SVOP: variants seen among roughly 807,000 people sequenced by gnomAD.
SVOP encodes SV2 related protein.
SVOP carries 17 observed loss-of-function variants against 69.1 expected under a neutral mutation model. That is an observed-to-expected ratio of 0.25 (90% CI 0.17 to 0.37). The LOEUF is 0.37. SVOP is among the 10% of genes least tolerant of loss of function. SVOP has a pLI of 1.00. For missense variants in SVOP, 435 were observed against 597.5 expected, an observed-to-expected ratio of 0.73 and a Z score of 2.84; for synonymous variants, 238 against 238.6, an observed-to-expected ratio of 1.00 and a Z score of 0.02.
intron 4 of SVOP, among the ~76,000 whole-genome samples, chr12:108,973,589 G>A (rs36179251): frequency 0.57 from 86,086 of 151,850 alleles, 26,270 homozygotes; most frequent in South Asian, 0.7. Flanking sequence ...AGTAGAGACA[G>A]GATCTCACTT....
chr12:108,968,526 G>T (rs2040059619), intron 5 of SVOP, among the ~76,000 whole-genome samples: 1 of 152,164 alleles, frequency 6.6e-6, no homozygotes, highest in Non-Finnish European at 1.5e-5. Flanking sequence ...AGCCTCCTCT[G>T]ATATAAATAA....
chr12:108,973,393 T>C (rs1373159415), intron 4 of SVOP, among the ~76,000 whole-genome samples: 1 of 151,920 alleles, frequency 6.6e-6, no homozygotes, highest in Admixed American at 6.6e-5. Flanking sequence ...ATTTATTTAT[T>C]TGTTTGTTTG....
intron 1 of SVOP, among the ~76,000 whole-genome samples, chr12:109,010,867 G>A (rs1295557768): frequency 5.9e-5 from 9 of 151,962 alleles, no homozygotes; most frequent in East Asian, 5.8e-4. Context: ...GGCATAAAAT[G>A]TAAACATTTT....
intron 14 of SVOP, among the ~76,000 whole-genome samples, chr12:108,916,453 G>A (rs975606024): frequency 1.3e-5 from 2 of 152,180 alleles, no homozygotes; most frequent in African/African-American, 4.8e-5. Flanking sequence ...CACTGTGGAT[G>A]TTTTGGGATG....
chr12:108,954,307 A>C (rs1260198515), intron 6 of SVOP, among the ~76,000 whole-genome samples: 1 of 152,070 alleles, frequency 6.6e-6, no homozygotes, highest in African/African-American at 2.4e-5. Context: ...TCCTAAGATG[A>C]GCGTTAAAGT....
rs549678935 is a variant in SVOP, at chr12:108,927,150, T to C, written c.1049-4353A>G. 1.5e-4 allele frequency among the ~76,000 whole-genome samples: 23 copies of C among 152,224 alleles called. No homozygotes were observed. The East Asian group carries it at 3.3e-3, about 22-fold the overall frequency. On this transcript the variant is annotated intron_variant, in intron 11 of 15. Transcript: ENST00000610966. Reference sequence around the variant, plus strand: ...CCCCTCTTCATGTTACCCTGGGGGATTGGGGGCTTGAGGAACTGGTGTAGG... The same window carrying C: ...CCCCTCTTCATGTTACCCTGGGGGACTGGGGGCTTGAGGAACTGGTGTAGG...
rs2039995250 is a variant in SVOP at position 108,958,093 on chromosome 12, T to G, written c.578+2830A>C. ...TGGTAATTAATTAACTTATTTATTTTGCAATCTTTTATTGAAGAGTACTGC... is the reference window on the plus strand; with the variant it reads ...TGGTAATTAATTAACTTATTTATTTGGCAATCTTTTATTGAAGAGTACTGC... On this transcript the variant is annotated intron_variant, in intron 6 of 15. Coordinates refer to ENST00000610966, the MANE Select transcript of SVOP (RefSeq NM_018711.5). 3.3e-5 allele frequency among the ~76,000 whole-genome samples: 5 copies of G among 152,200 alleles called. No individual in the cohort carries two copies. The South Asian group carries it at 1.0e-3, about 32-fold the overall frequency.
intron 15 of SVOP, among the ~76,000 whole-genome samples, chr12:108,913,359 C>G (rs2039696982): frequency 6.6e-6 from 1 of 152,174 alleles, no homozygotes. Context: ...ACACGCCCAG[C>G]CAGGTATTCC....
chr12:108,931,349 TAAAAGTC>T (rs957589918), intron 11 of SVOP, among the ~76,000 whole-genome samples: 20 of 152,246 alleles, frequency 1.3e-4, no homozygotes, highest in African/African-American at 4.8e-4. Context: ...AGTGTTATCT[TAAAAGTC>T]AGAATGGCTT....
chr12:108,954,281 G>T (rs1295655904), intron 6 of SVOP, among the ~76,000 whole-genome samples: 3 of 152,114 alleles, frequency 2.0e-5, no homozygotes, highest in African/African-American at 7.2e-5. Flanking sequence ...AAATGGAGAT[G>T]ATCATAATAT....
intron 7 of SVOP, among the ~76,000 whole-genome samples, chr12:108,941,764 C>T (rs969588434): frequency 6.6e-6 from 1 of 151,946 alleles, no homozygotes; most frequent in African/African-American, 2.4e-5. Flanking sequence ...CAGGTTCAAG[C>T]GATTCTCCTG....
At chr12:109,016,201 G>A (rs528466945) in intron 1 of SVOP, among the ~76,000 whole-genome samples, 26 of 152,302 alleles carry the variant, frequency 1.7e-4, no homozygotes, top group African/African-American at 4.6e-4. Context: ...TGACTTCACC[G>A]ATAGGCACTC....
At chr12:108,986,774 G>A (rs1045583488) in intron 1 of SVOP, among the ~76,000 whole-genome samples, 2 of 136,012 alleles carry the variant, frequency 1.5e-5, no homozygotes, top group East Asian at 2.2e-4. Context: ...TTCTTTGATC[G>A]GGGAGGGGGG....
intron 2 of SVOP, among the ~76,000 whole-genome samples, chr12:108,981,457 T>C (rs2040134885): frequency 6.6e-6 from 1 of 152,194 alleles, no homozygotes; most frequent in African/African-American, 2.4e-5. Flanking sequence ...TTTTCAGGAA[T>C]GCATAGAATG....
chr12:108,941,083 T>A (rs1372297065), intron 7 of SVOP, among the ~76,000 whole-genome samples, 174 bp from the exon 8 acceptor site: 1 of 152,164 alleles, frequency 6.6e-6, no homozygotes, highest in East Asian at 1.9e-4. Flanking sequence ...GCTGCCATGT[T>A]GCCCAGCTCA....
At chr12:109,000,866 G>A (rs1478605166) in intron 1 of SVOP, among the ~76,000 whole-genome samples, 1 of 135,506 alleles carries the variant, frequency 7.4e-6, no homozygotes, top group Non-Finnish European at 1.6e-5. Flanking sequence ...TACTGAATGG[G>A]CAAAAACTGG....
At chr12:108,959,186 C>T (rs1265266878) in intron 6 of SVOP, among the ~76,000 whole-genome samples, 1 of 152,040 alleles carries the variant, frequency 6.6e-6, no homozygotes, top group Non-Finnish European at 1.5e-5. Context: ...TGATTCCTTA[C>T]CTCCAAGCTG....
At chr12:108,947,999 G>A (rs1422979720) in intron 6 of SVOP, among the ~76,000 whole-genome samples, 1 of 152,068 alleles carries the variant, frequency 6.6e-6, no homozygotes, top group Non-Finnish European at 1.5e-5. Flanking sequence ...TTCTCTTAGG[G>A]ATACTCTTGA....
intron 7 of SVOP, among the ~76,000 whole-genome samples, chr12:108,942,289 T>C (rs1019764306): frequency 2.6e-5 from 4 of 152,238 alleles, no homozygotes; most frequent in Admixed American, 6.5e-5. Flanking sequence ...CTAGTGTGAA[T>C]AACACGGCTA....
Sources: gnomAD v4.1 joint callset for allele counts (sites outside exome capture counted in the v4.1 genomes callset) on GRCh38, gnomAD v4.1.1 for gene constraint, MANE v1.5 for transcripts, NCBI Gene and HGNC (gene_info 2026-07-23, HGNC 2026-07-21) for gene names.